MTF2: variants seen among roughly 807,000 people sequenced by gnomAD.
The protein encoded by MTF2 is metal response element binding transcription factor 2.
A neutral mutation model predicts 79.5 loss-of-function variants in MTF2; 11 were observed. That is an observed-to-expected ratio of 0.14 (90% confidence interval 0.09 to 0.23). The LOEUF (loss-of-function observed/expected upper bound fraction) is 0.23. Among genes scored for constraint, MTF2 ranks in the 10% least tolerant of loss-of-function variants. MTF2 has a pLI of 1.00. For synonymous variants in MTF2, 208 were observed against 232.8 expected, an observed-to-expected ratio of 0.89 and a Z score of 0.97; for missense variants, 486 against 711.2, an observed-to-expected ratio of 0.68 and a Z score of 3.60.
intron 1 of MTF2, among the ~76,000 whole-genome samples, chr1:93,101,933 TCC>T (rs1655564480): frequency 6.6e-6 from 1 of 152,150 alleles, no homozygotes; most frequent in African/African-American, 2.4e-5. Flanking sequence ...TTGAGCCGTC[TCC>T]ATAACACTTT....
chr1:93,120,301 G>GAAAA (rs11414632), intron 8 of MTF2: 72 of 107,394 alleles, frequency 6.7e-4, no homozygotes, highest in South Asian at 1.0e-3. Flanking sequence ...CTGTCTCCAA[G>GAAAA]AAAAAAAAAA....
intron 1 of MTF2, among the ~76,000 whole-genome samples, chr1:93,100,291 A>ATGTTTGTT (rs111329307): frequency 1.5e-4 from 22 of 151,302 alleles, no homozygotes; most frequent in East Asian, 9.7e-4. Context: ...ATGTGGCATT[A>ATGTTTGTT]TGTTTGTTTG....
intron 9 of MTF2, among the ~76,000 whole-genome samples, chr1:93,124,787 T>C (rs183059212): frequency 6.6e-6 from 1 of 151,964 alleles, no homozygotes; most frequent in Admixed American, 6.6e-5. Flanking sequence ...AGAGTTATAC[T>C]GTAAGTATTA....
At chr1:93,088,221 G>A (rs1031929398) in intron 1 of MTF2, among the ~76,000 whole-genome samples, 1 of 152,044 alleles carries the variant, frequency 6.6e-6, no homozygotes, top group Non-Finnish European at 1.5e-5. Context: ...ATTTTATGTA[G>A]TGTAATCAAC....
intron 10 of MTF2, chr1:93,128,739 T>A (rs1656805506): frequency 6.6e-6 from 1 of 151,062 alleles, no homozygotes; most frequent in Non-Finnish European, 1.5e-5. Flanking sequence ...CATAATAAAC[T>A]GGAATAACCC....
intron 11 of MTF2, among the ~76,000 whole-genome samples, chr1:93,129,766 CAGTTTTCAAGTGCCTTATTATCTA>C (rs1360266902): frequency 5.3e-5 from 8 of 152,092 alleles, no homozygotes; most frequent in Admixed American, 1.3e-4. Flanking sequence ...TCATTCAGCA[CAGTTTTCAAGTGCCTTATTATCTA>C]AGTTTTCAAG....
chr1:93,101,202 T>C (rs541116320), intron 1 of MTF2, among the ~76,000 whole-genome samples: 1 of 152,182 alleles, frequency 6.6e-6, no homozygotes, highest in East Asian at 1.9e-4. Context: ...CAAGAAAGAG[T>C]TACTGGCTTG....
At position 93,110,716 on chromosome 1, in the gene MTF2, G is replaced by A. The variant is rs564097629; in HGVS notation, c.286+90G>A. The A allele has an allele frequency of 2.9e-6, 3 of 1,051,904 alleles. No individual in the cohort carries two copies. The Admixed American group carries it at 6.0e-5, about 21-fold the overall frequency. 65.2% of individuals were successfully genotyped at this position (1,051,904 alleles called of 1,614,324 possible). On this transcript the variant is annotated intron_variant, in intron 3 of 14. Transcript: ENST00000370298. ...ATTATGATGTTGTCTGTTGAATACA[G>A]TGTATTTAGATAACTCAGTATTACT...
chr1:93,110,717 T>C (rs1180781146), intron 3 of MTF2, 91 bp downstream of exon 3: 2 of 1,022,974 alleles, frequency 2.0e-6, no homozygotes, highest in East Asian at 4.8e-5. Flanking sequence ...TTGAATACAG[T>C]GTATTTAGAT....
chr1:93,089,888 A>G (rs1487611469), intron 1 of MTF2, among the ~76,000 whole-genome samples: 1 of 149,376 alleles, frequency 6.7e-6, no homozygotes, highest in African/African-American at 2.5e-5. Flanking sequence ...TCTGTCACCG[A>G]GGCTGGAGTG....
intron 14 of MTF2, chr1:93,134,523 A>ATT (rs61593326): frequency 1.2e-4 from 22 of 190,700 alleles, no homozygotes; most frequent in African/African-American, 2.6e-4. Flanking sequence ...GGAAGATATG[A>ATT]TTTTTTTTTT....
intron 3 of MTF2, among the ~76,000 whole-genome samples, chr1:93,112,390 TAAAG>T (rs150089441): frequency 0.79 from 120,436 of 151,784 alleles, 50,901 homozygotes; most frequent in East Asian, 0.93. Flanking sequence ...AAATTTTACA[TAAAG>T]AAAAATATTA....
At chr1:93,096,148 A>G (rs1261731729) in intron 1 of MTF2, among the ~76,000 whole-genome samples, 3 of 152,206 alleles carry the variant, frequency 2.0e-5, no homozygotes, top group Non-Finnish European at 1.5e-5. Flanking sequence ...CCATCTTCAT[A>G]TATTGTGATT....
At chr1:93,131,387 A>G (rs537947801) in intron 11 of MTF2, among the ~76,000 whole-genome samples, 6 of 152,348 alleles carry the variant, frequency 3.9e-5, no homozygotes, top group African/African-American at 1.2e-4. Context: ...GATAAAAGGA[A>G]TTTCTTTGAA....
chr1:93,134,072 T>C lies in MTF2; in HGVS notation c.1320-19T>C. ...TTATATAATATAGTCGTTACACAAT[T>C]TAAATTCTTTTGTCTCAGGAGAACT... On this transcript the variant is annotated intron_variant, in intron 13 of 14. Coordinates refer to ENST00000370298, the MANE Select transcript of MTF2 (RefSeq NM_007358.4). 1 of 1,581,330 alleles carries C rather than the reference T, an allele frequency of 6.3e-7. No homozygotes were observed. The highest frequency in any genetic ancestry group is 8.6e-7 in the Non-Finnish European group (1 of 1,157,722).
At chr1:93,126,077 C>T (rs376443804) in intron 9 of MTF2, among the ~76,000 whole-genome samples, 68 of 152,002 alleles carry the variant, frequency 4.5e-4, no homozygotes, top group South Asian at 2.3e-3. Flanking sequence ...TTGAAATTCT[C>T]TATCATTAGA....
chr1:93,102,334 C>T (rs546551115), intron 1 of MTF2, among the ~76,000 whole-genome samples: 3 of 152,186 alleles, frequency 2.0e-5, no homozygotes, highest in East Asian at 1.9e-4. Context: ...CGTGGTGGCT[C>T]ATGCTTATAA....
intron 1 of MTF2, among the ~76,000 whole-genome samples, chr1:93,093,474 A>G (rs920898340): frequency 1.3e-5 from 2 of 152,064 alleles, no homozygotes; most frequent in African/African-American, 2.4e-5. Flanking sequence ...GGTTCTCTAG[A>G]CCTGCTGCAT....
intron 1 of MTF2, among the ~76,000 whole-genome samples, chr1:93,081,774 A>G (rs1654616268): frequency 6.6e-6 from 1 of 152,200 alleles, no homozygotes; most frequent in Middle Eastern, 3.2e-3. Context: ...TAGAAATGTA[A>G]CTAGTGAGAC....
Sources: allele counts gnomAD v4.1 joint callset (sites outside exome capture counted in the v4.1 genomes callset), GRCh38; gene constraint gnomAD v4.1.1; transcripts MANE v1.5; gene names NCBI Gene and HGNC (gene_info 2026-07-23, HGNC 2026-07-21).